The following DERL1 variants were observed in gnomAD, a reference collection of about 807,000 sequenced individuals.
The protein encoded by DERL1 is derlin 1, also known as derlin-1.
DERL1 carries 24 observed loss-of-function variants against 41.6 expected under a neutral mutation model. That is an observed-to-expected ratio of 0.58 (90% confidence interval 0.42 to 0.81). DERL1 has a LOEUF of 0.81. Ranked by LOEUF, DERL1 falls within the 30% of genes least tolerant of loss-of-function variation. The probability of loss-of-function intolerance (pLI) is 0.00; values close to 1 mark genes in which losing one functional copy is unlikely to be tolerated. For missense variants in DERL1, 260 were observed against 314.3 expected (o/e 0.83, Z 1.31); for synonymous variants, 124 against 112.5 (o/e 1.10, Z -0.65).
chr8:123,038,167 C>T (rs1812967458), intron 1 of DERL1, among the ~76,000 whole-genome samples: 1 of 152,230 alleles, frequency 6.6e-6, no homozygotes, highest in South Asian at 2.1e-4. Flanking sequence ...TAACTTGTCA[C>T]TTCCAACATG....
intron 1 of DERL1, among the ~76,000 whole-genome samples, chr8:123,038,064 T>C (rs1252725005): frequency 6.6e-6 from 1 of 152,166 alleles, no homozygotes; most frequent in Non-Finnish European, 1.5e-5. Context: ...ACACACCTGT[T>C]TCAACCTATC....
At chr8:123,016,394 ATC>A (rs1458775848) in intron 7 of DERL1, 1 of 152,224 alleles carries the variant, frequency 6.6e-6, no homozygotes, top group Non-Finnish European at 1.5e-5. Flanking sequence ...AGAGAGCATG[ATC>A]TGATACCTCC....
rs183956391 is a variant in DERL1, at chr8:123,013,462, T to A, written c.*1985A>T. The A allele has an allele frequency of 2.2e-4, 33 of 152,330 alleles. No individual in the cohort carries two copies. Among genetic ancestry groups the A allele is most frequent in the Admixed American group, 2.1e-3 (32 of 15,292 alleles). The allele number at this position is 152,330 out of a possible 1,614,324, so 9.4% of individuals were successfully genotyped here. On this transcript the variant is annotated 3_prime_UTR_variant, in exon 8 of 8. Coordinates refer to ENST00000259512, the MANE Select transcript of DERL1 (RefSeq NM_024295.6). ...TTTTCCATTTGTAAAGAGAATCCAC[T>A]GTCATGTTTTGCCTTGTCAAGTCAA...
chr8:123,018,946 A>T (rs1814681076), intron 7 of DERL1: 1 of 476,874 alleles, frequency 2.1e-6, no homozygotes, highest in Non-Finnish European at 3.8e-6. Flanking sequence ...GAGAGCTGAG[A>T]TGCCTCCTGT....
chr8:123,031,455 G>A (rs1015761064), intron 1 of DERL1, among the ~76,000 whole-genome samples: 1 of 152,182 alleles, frequency 6.6e-6, no homozygotes, highest in African/African-American at 2.4e-5. Flanking sequence ...TGAGGCAGGA[G>A]AATCGCTTGA....
intron 1 of DERL1, among the ~76,000 whole-genome samples, chr8:123,038,187 T>G (rs757485680): frequency 6.6e-6 from 1 of 152,220 alleles, no homozygotes; most frequent in Non-Finnish European, 1.5e-5. Context: ...GAGCACACAA[T>G]TCTAAATCAA....
chr8:123,024,440 T>C (rs1378460029), intron 3 of DERL1, among the ~76,000 whole-genome samples: 1 of 152,184 alleles, frequency 6.6e-6, no homozygotes, highest in East Asian at 1.9e-4. Flanking sequence ...CGAGAGCTGC[T>C]GCTGCTCTCA....
At chr8:123,033,754 A>G (rs1229271145) in intron 1 of DERL1, among the ~76,000 whole-genome samples, 1 of 152,206 alleles carries the variant, frequency 6.6e-6, no homozygotes, top group African/African-American at 2.4e-5. Flanking sequence ...AACAAAAAAG[A>G]AAATTGAGCT....
chr8:123,023,667 T>C lies in DERL1; in HGVS notation c.357+46A>G, dbSNP rs376442009. ...CTGACAAAGGCCACTAATAGTATATTTGAAACAAATAAAAGGGCAAATAGA... is the reference window on the plus strand; with the variant it reads ...CTGACAAAGGCCACTAATAGTATATCTGAAACAAATAAAAGGGCAAATAGA... On this transcript the variant is annotated intron_variant, in intron 4 of 7. Transcript: ENST00000259512. The C allele has an allele frequency of 7.3e-5, 116 of 1,594,614 alleles. No homozygotes were observed. In the South Asian group the frequency reaches 8.8e-4, roughly 12 times the overall value.
At chr8:123,019,335 C>T in intron 6 of DERL1, 30 bp from the exon 7 acceptor site, 1 of 1,506,180 alleles carries the variant, frequency 6.6e-7, no homozygotes, top group East Asian at 2.3e-5. Flanking sequence ...AGTTTAAAGA[C>T]ATTCAAGCAA....
intron 7 of DERL1, 153 bp from the exon 8 acceptor site, chr8:123,015,738 T>A: frequency 1.0e-6 from 1 of 962,914 alleles, no homozygotes; most frequent in South Asian, 2.1e-5. Flanking sequence ...AACTTTGTCT[T>A]TTCTGTACTC....
chr8:123,041,916 C>G, intron 1 of DERL1, 54 bp downstream of exon 1: 5 of 1,513,904 alleles, frequency 3.3e-6, no homozygotes, highest in Non-Finnish European at 4.4e-6. Flanking sequence ...CGCTTAGCCG[C>G]CGCTGGGCCT....
intron 6 of DERL1, among the ~76,000 whole-genome samples, chr8:123,020,896 G>A (rs1814745393): frequency 6.6e-6 from 1 of 150,440 alleles, no homozygotes; most frequent in South Asian, 2.1e-4. Flanking sequence ...AACCCATGAG[G>A]CAGAGGTTAC....
chr8:123,023,582 G>A (rs563385714), intron 4 of DERL1, 131 bp downstream of exon 4: 1 of 791,434 alleles, frequency 1.3e-6, no homozygotes, highest in Non-Finnish European at 1.9e-6. Flanking sequence ...TAAAACAGCT[G>A]TAATTCCATA....
intron 2 of DERL1, among the ~76,000 whole-genome samples, chr8:123,026,568 T>TGTGTG (rs1491353646): frequency 6.6e-6 from 1 of 152,212 alleles, no homozygotes; most frequent in Non-Finnish European, 1.5e-5. Context: ...AACTTAAAGC[T>TGTGTG]GTGTGGTTGA....
At chr8:123,033,617 C>T (rs547976428) in intron 1 of DERL1, among the ~76,000 whole-genome samples, 82 of 152,152 alleles carry the variant, frequency 5.4e-4, no homozygotes, top group Non-Finnish European at 9.3e-4. Context: ...GTGGCACATG[C>T]CTGTAATCCC....
In DERL1 at chr8:123,030,601, A is replaced by G; in HGVS notation, c.265+4T>C. On this transcript the variant is annotated splice_donor_region_variant and intron_variant, in intron 2 of 7. Transcript: ENST00000259512. The stretch of plus-strand genomic sequence containing the variant: ...AATGCTTAAAACAACTATGGGTAAC[A>G]TACCTGTTTCAAGTCGCGTAGAATA... The G allele has an allele frequency of 6.4e-7, 1 of 1,565,394 alleles. No homozygotes were observed. The highest frequency in any genetic ancestry group is 8.7e-7 in the Non-Finnish European group (1 of 1,143,622).
Position 123,019,239 on chromosome 8 carries a change from T to C in DERL1, c.573A>G (p.Pro191=), listed in dbSNP as rs1814690407. The C allele has an allele frequency of 6.2e-7, 1 of 1,614,102 alleles. No homozygotes were observed. The highest frequency in any genetic ancestry group is 8.5e-7 in the Non-Finnish European group (1 of 1,179,966). The change falls in exon 7 of 8, where the codon CCA becomes CCG. Residue 191 remains proline, a synonymous_variant. Coordinates refer to ENST00000259512, the MANE Select transcript of DERL1 (RefSeq NM_024295.6). ...HLYFFLMFRY[P]MDLGGRNFLS... The stretch of plus-strand genomic sequence containing the variant: ...GAAAATTTCTTCCTCCCAAGTCCAT[T>C]GGGTATCTGAACATTAGGAAAAAAT...
chr8:123,039,319 C>T (rs1418989349), intron 1 of DERL1, among the ~76,000 whole-genome samples: 1 of 152,200 alleles, frequency 6.6e-6, no homozygotes, highest in African/African-American at 2.4e-5. Context: ...GCTCCAAAGA[C>T]TTCATAGTGC....
Sources: allele counts gnomAD v4.1 joint callset (sites outside exome capture counted in the v4.1 genomes callset), GRCh38; gene constraint gnomAD v4.1.1; transcripts MANE v1.5; gene names NCBI Gene and HGNC (gene_info 2026-07-23, HGNC 2026-07-21).